The following ENPP2 variants were observed in gnomAD, a reference collection of about 807,000 sequenced individuals.
ENPP2 encodes ectonucleotide pyrophosphatase/phosphodiesterase 2.
A neutral mutation model predicts 120.2 loss-of-function variants in ENPP2; 51 were observed. The ratio of observed to expected loss-of-function variants is 0.42; its 90% confidence interval spans 0.34 to 0.54. The LOEUF (loss-of-function observed/expected upper bound fraction) is 0.54, where lower values mean the gene tolerates loss of function less well. ENPP2 is among the 20% of genes least tolerant of loss of function. ENPP2 has a pLI of 0.04. For missense variants in ENPP2, 920 were observed against 1,066.5 expected (o/e 0.86, Z 1.91); for synonymous variants, 365 against 366.4 (o/e 1.00, Z 0.04).
chr8:119,614,685 T>C (rs1815342391), intron 8 of ENPP2, among the ~76,000 whole-genome samples: 1 of 152,220 alleles, frequency 6.6e-6, no homozygotes, highest in African/African-American at 2.4e-5. Context: ...TTACTATTTA[T>C]CTCTAATCCT....
chr8:119,630,174 T>C (rs1816565126), intron 2 of ENPP2, among the ~76,000 whole-genome samples: 1 of 151,538 alleles, frequency 6.6e-6, no homozygotes, highest in African/African-American at 2.4e-5. Context: ...AATGGTGTGA[T>C]CTCGGCTCAC....
chr8:119,608,446 T>C (rs943589362), intron 8 of ENPP2, among the ~76,000 whole-genome samples: 1 of 152,236 alleles, frequency 6.6e-6, no homozygotes. Flanking sequence ...TTAAACTAGA[T>C]GAATGAGAAG....
upstream of ENPP2, among the ~76,000 whole-genome samples, chr8:119,642,268 A>T (rs1817306242): frequency 6.6e-6 from 1 of 152,004 alleles, no homozygotes; most frequent in South Asian, 2.1e-4. Flanking sequence ...ACTCTAGTAA[A>T]TTTTTTTATT....
chr8:119,585,414 T>C (rs1813035440), intron 15 of ENPP2, among the ~76,000 whole-genome samples: 1 of 152,216 alleles, frequency 6.6e-6, no homozygotes. Flanking sequence ...AACTTGAGTT[T>C]CTAAATATTT....
intron 9 of ENPP2, among the ~76,000 whole-genome samples, chr8:119,601,735 C>T (rs1236918300): frequency 6.6e-6 from 1 of 152,114 alleles, no homozygotes; most frequent in Non-Finnish European, 1.5e-5. Context: ...TAATCAGAAA[C>T]TCCACTACAA....
intron 2 of ENPP2, among the ~76,000 whole-genome samples, chr8:119,637,565 T>A (rs1486679624): frequency 6.6e-6 from 1 of 152,146 alleles, no homozygotes; most frequent in Admixed American, 6.5e-5. Context: ...AACACAAAAT[T>A]CACAGGAAGA....
At chr8:119,652,612 T>G (rs1817658755) in intron 1 of ENPP2, among the ~76,000 whole-genome samples, 2 of 152,170 alleles carry the variant, frequency 1.3e-5, no homozygotes, top group South Asian at 4.1e-4. Context: ...TCAGAAATGA[T>G]AGGTTTTCTG....
At chr8:119,608,948 G>A (rs1814909570) in intron 8 of ENPP2, among the ~76,000 whole-genome samples, 1 of 152,174 alleles carries the variant, frequency 6.6e-6, no homozygotes, top group Non-Finnish European at 1.5e-5. Context: ...GTGTCCCACT[G>A]AACAGAAGTC....
Position 119,591,016 on chromosome 8 carries a change from A to AAAAC in ENPP2, c.1082-387_1082-386insGTTT, listed in dbSNP as rs1554612815. 3.4e-3 allele frequency among the ~76,000 whole-genome samples: 514 copies of AAAAC among 149,310 alleles called. 13 individuals are homozygous for AAAAC. The highest frequency in any genetic ancestry group is 0.026 in the Admixed American group (375 of 14,586). On this transcript the variant is annotated intron_variant, in intron 12 of 24. Transcript: ENST00000075322. The stretch of plus-strand genomic sequence containing the variant: ...TCTTTAAAAAAAAAAAAAAAAAAAA[A>AAAAC]CCCTAGGTTGCATCAAACTCTTCCC...
chr8:119,617,505 T>C lies in ENPP2; in HGVS notation c.538A>G (p.Lys180Glu). Residue 180 changes from lysine (K) to glutamate (E), a missense_variant, in exon 6 of 25, where the codon AAG (lysine) becomes GAG (glutamate). Transcript: ENST00000075322. ...SVDGFRASYM[K>E]KGSKVMPNIE... ...TTAGGCATGACTTTGCTGCCTTTCT[T>C]CATGTATGATGCACGGAAGCCATCC... 6.2e-7 allele frequency: 1 copy of C among 1,613,666 alleles called. No homozygotes were observed. Among genetic ancestry groups the C allele is most frequent in the Non-Finnish European group, 8.5e-7 (1 of 1,179,700 alleles).
intron 9 of ENPP2, among the ~76,000 whole-genome samples, chr8:119,606,617 A>G (rs570338108): frequency 7.2e-5 from 11 of 152,204 alleles, no homozygotes; most frequent in East Asian, 3.9e-4. Flanking sequence ...AAAAAAAAAA[A>G]AAAGAAAGAA....
At chr8:119,666,832 A>G (rs145666037) in intron 1 of ENPP2, among the ~76,000 whole-genome samples, 13 of 152,242 alleles carry the variant, frequency 8.5e-5, no homozygotes, top group African/African-American at 3.1e-4. Flanking sequence ...ATTAGGACTT[A>G]ATGAAAAGGT....
intron 22 of ENPP2, 111 bp from the exon 23 acceptor site, chr8:119,565,066 C>A (rs993511076): frequency 2.4e-6 from 2 of 838,188 alleles, no homozygotes; most frequent in African/African-American, 3.4e-5. Context: ...AGCCAAGAGA[C>A]AAGAGAGCTG....
chr8:119,606,855 T>TAA (rs57586646), intron 9 of ENPP2, among the ~76,000 whole-genome samples: 3 of 141,804 alleles, frequency 2.1e-5, no homozygotes, highest in African/African-American at 5.1e-5. Flanking sequence ...TTAGGTGGTT[T>TAA]AAAAAAAAAA....
intron 1 of ENPP2, among the ~76,000 whole-genome samples, chr8:119,658,212 G>A (rs1017721442): frequency 4.6e-5 from 7 of 152,272 alleles, no homozygotes; most frequent in Middle Eastern, 3.4e-3. Context: ...GATTCAGGGG[G>A]TCCACGTGCT....
intron 9 of ENPP2, among the ~76,000 whole-genome samples, chr8:119,604,587 C>CA (rs34725889): frequency 2.8e-5 from 4 of 143,260 alleles, no homozygotes; most frequent in Non-Finnish European, 6.2e-5. Context: ...TAGAAATGGT[C>CA]AAAAAAAAAA....
At chr8:119,600,586 C>T in intron 11 of ENPP2, 92 bp downstream of exon 11, 2 of 809,442 alleles carry the variant, frequency 2.5e-6, no homozygotes, top group South Asian at 1.6e-5. Flanking sequence ...TACAAACATC[C>T]ATCCAGACTT....
intron 24 of ENPP2, among the ~76,000 whole-genome samples, chr8:119,558,116 C>A (rs1444567366): frequency 6.6e-6 from 1 of 152,216 alleles, no homozygotes; most frequent in Non-Finnish European, 1.5e-5. Context: ...AGAACTTAAG[C>A]CTAATGCACG....
rs1225925116 is a variant in ENPP2 at position 119,557,704 on chromosome 8, CAG to C, written c.2422-15_2422-14del. The C allele has an allele frequency of 6.5e-7, 1 of 1,531,024 alleles. No individual in the cohort carries two copies. The highest frequency in any genetic ancestry group is 2.3e-5 in the Admixed American group (1 of 44,030). 94.8% of individuals were successfully genotyped at this position (1,531,024 alleles called of 1,614,324 possible). A position where few individuals can be genotyped will look rare whatever the true frequency, so the allele number is the denominator to read the frequency against. On this transcript the variant is annotated splice_polypyrimidine_tract_variant and intron_variant, in intron 24 of 24. Transcript: ENST00000075322. ...CGTCCTCTGAGCTCTGCAATGGAAA[CAG>C]AACAAAATCAGAATCAGAATTTTCC...
Sources: allele counts gnomAD v4.1 joint callset (sites outside exome capture counted in the v4.1 genomes callset), GRCh38; gene constraint gnomAD v4.1.1; transcripts MANE v1.5; gene names NCBI Gene and HGNC (gene_info 2026-07-23, HGNC 2026-07-21).